The following CERT1 variants were observed in gnomAD, a reference collection of about 807,000 sequenced individuals.
CERT1 encodes ceramide transfer protein.
In CERT1, 31 loss-of-function variants were observed where a neutral mutation model predicts 87.9. That is an observed-to-expected ratio of 0.35 (90% confidence interval 0.27 to 0.48). CERT1 has a LOEUF of 0.48. Among genes scored for constraint, CERT1 ranks in the 20% least tolerant of loss-of-function variants. CERT1 has a pLI of 0.99. For synonymous variants in CERT1, 289 were observed against 250.9 expected, an observed-to-expected ratio of 1.15 and a Z score of -1.44; for missense variants, 487 against 758.0, an observed-to-expected ratio of 0.64 and a Z score of 4.20.
At chr5:75,458,212 A>G (rs915139843) in intron 3 of CERT1, among the ~76,000 whole-genome samples, 1 of 152,202 alleles carries the variant, frequency 6.6e-6, no homozygotes, top group African/African-American at 2.4e-5. Context: ...AGTCTACTTA[A>G]TATTTATTAA....
In CERT1 at chr5:75,504,374, G is replaced by A. The variant is rs551663254; in HGVS notation, c.231+1608C>T. On this transcript the variant is annotated intron_variant, in intron 2 of 16. Transcript: ENST00000643780. ...AAAATTGTCTCTAAGAATAGAGAGC[G>A]TAGTTTCATTATCAACACTTCCAAA... is the stretch of plus-strand genomic sequence containing the variant. Among the ~76,000 whole-genome samples the A allele has an allele frequency of 1.1e-4, 17 of 152,188 alleles. 1 individual carries two copies. The highest frequency in any genetic ancestry group is 3.4e-3 in the Middle Eastern group (1 of 294).
chr5:75,419,277 T>G (rs1024629748), intron 6 of CERT1, 64 bp downstream of exon 6: 5 of 1,046,516 alleles, frequency 4.8e-6, no homozygotes, highest in Non-Finnish European at 7.2e-6. Flanking sequence ...TTATTTCTTG[T>G]GAGTTGTTAC....
At chr5:75,446,957 CCT>C (rs1764566713) in intron 3 of CERT1, among the ~76,000 whole-genome samples, 1 of 152,200 alleles carries the variant, frequency 6.6e-6, no homozygotes, top group Non-Finnish European at 1.5e-5. Flanking sequence ...TGGTCACCCA[CCT>C]CTTTTTCTGC....
At chr5:75,417,512 A>G (rs1290191653) in intron 6 of CERT1, among the ~76,000 whole-genome samples, 4 of 152,204 alleles carry the variant, frequency 2.6e-5, no homozygotes, top group Non-Finnish European at 4.4e-5. Flanking sequence ...TTACGTTTCA[A>G]TTTTATCATT....
chr5:75,498,453 C>T (rs1767180988), intron 2 of CERT1, among the ~76,000 whole-genome samples: 1 of 152,184 alleles, frequency 6.6e-6, no homozygotes, highest in African/African-American at 2.4e-5. Context: ...GGCCTTGCTG[C>T]TTTGTGCAGT....
intron 16 of CERT1, among the ~76,000 whole-genome samples, chr5:75,380,160 G>A (rs1157399718): frequency 2.0e-5 from 3 of 152,146 alleles, no homozygotes; most frequent in East Asian, 3.9e-4. Context: ...CTTTTGATGA[G>A]AGAGGTTGCA....
chr5:75,505,189 A>C (rs1767594099), intron 2 of CERT1: 2 of 152,338 alleles, frequency 1.3e-5, no homozygotes, highest in African/African-American at 4.8e-5. Context: ...TGGGAGGCTG[A>C]AGCAGAAGAA....
intron 2 of CERT1, among the ~76,000 whole-genome samples, chr5:75,461,516 G>T (rs1246232586): frequency 6.6e-6 from 1 of 152,142 alleles, no homozygotes; most frequent in Non-Finnish European, 1.5e-5. Context: ...GTCTATTGCT[G>T]TAAGTAGCCC....
intron 3 of CERT1, among the ~76,000 whole-genome samples, chr5:75,450,589 G>A (rs765936904): frequency 6.6e-6 from 1 of 152,110 alleles, no homozygotes. Flanking sequence ...GCCTTTTAAG[G>A]ATCTGTATAG....
At chr5:75,446,291 G>A (rs1292418113) in intron 3 of CERT1, among the ~76,000 whole-genome samples, 1 of 152,076 alleles carries the variant, frequency 6.6e-6, no homozygotes, top group Non-Finnish European at 1.5e-5. Flanking sequence ...AATACCTCTA[G>A]TGAATTTTTC....
chr5:75,428,914 G>T (rs1763744799), intron 3 of CERT1, among the ~76,000 whole-genome samples: 2 of 151,878 alleles, frequency 1.3e-5, no homozygotes, highest in Non-Finnish European at 2.9e-5. Context: ...ACATTTGTAT[G>T]ATAATTACAT....
At position 75,379,007 on chromosome 5, in the gene CERT1, C is replaced by T. The variant is rs535130337; in HGVS notation, c.*339G>A. On this transcript the variant is annotated 3_prime_UTR_variant, in exon 17 of 17. Transcript: ENST00000643780. ...CAGCTTGGGTAACATAGCAAGACCC[C>T]TATCTCTACAAAAAATAAAAAATTA... The T allele has an allele frequency of 7.7e-5, 14 of 181,966 alleles. 1 individual carries two copies. The South Asian group carries it at 1.6e-3, about 21-fold the overall frequency. The allele number at this position is 181,966 out of a possible 1,614,324, so 11.3% of individuals were successfully genotyped here. A position where few individuals can be genotyped will look rare whatever the true frequency, so the allele number is the denominator to read the frequency against.
intron 14 of CERT1, 89 bp downstream of exon 14, chr5:75,384,553 A>T: frequency 2.3e-6 from 2 of 864,256 alleles, no homozygotes; most frequent in Non-Finnish European, 3.7e-6. Flanking sequence ...GTGGCTTTTA[A>T]TAACCTCCCC....
At chr5:75,486,212 C>T (rs999149246) in intron 2 of CERT1, among the ~76,000 whole-genome samples, 7 of 151,812 alleles carry the variant, frequency 4.6e-5, no homozygotes, top group African/African-American at 7.2e-5. Context: ...CGCAAATCTA[C>T]GTGGTACATT....
intron 3 of CERT1, among the ~76,000 whole-genome samples, chr5:75,454,261 A>T (rs1426389538): frequency 6.6e-6 from 1 of 152,178 alleles, no homozygotes; most frequent in Non-Finnish European, 1.5e-5. Flanking sequence ...TACCAAGGCC[A>T]CTTAGCTAGT....
intron 7 of CERT1, among the ~76,000 whole-genome samples, chr5:75,412,504 T>TCACATGTA (rs1273315147): frequency 6.6e-6 from 1 of 152,254 alleles, no homozygotes; most frequent in Non-Finnish European, 1.5e-5. Context: ...CACATGTTAG[T>TCACATGTA]TCACCATGGG....
At chr5:75,400,513 A>G in intron 9 of CERT1, 1 of 464,228 alleles carries the variant, frequency 2.2e-6, no homozygotes, top group Non-Finnish European at 3.8e-6. Context: ...CACAGATACT[A>G]TGTTAGGCAA....
At chr5:75,441,028 C>T (rs1264276545) in intron 3 of CERT1, among the ~76,000 whole-genome samples, 1 of 151,978 alleles carries the variant, frequency 6.6e-6, no homozygotes, top group Non-Finnish European at 1.5e-5. Context: ...ATTTAGTATC[C>T]AATATTTAAA....
intron 2 of CERT1, among the ~76,000 whole-genome samples, chr5:75,469,507 A>G (rs1765619134): frequency 1.3e-5 from 2 of 152,156 alleles, no homozygotes; most frequent in African/African-American, 4.8e-5. Context: ...GGGACAGTGT[A>G]GTAAAAAGAG....
Sources: gnomAD v4.1 joint callset for allele counts (sites outside exome capture counted in the v4.1 genomes callset) on GRCh38, gnomAD v4.1.1 for gene constraint, MANE v1.5 for transcripts, NCBI Gene and HGNC (gene_info 2026-07-23, HGNC 2026-07-21) for gene names.